ROBO1: variants seen among roughly 807,000 people sequenced by gnomAD.
The protein encoded by ROBO1 is roundabout homolog 1.
ROBO1 carries 149 observed loss-of-function variants against 195.9 expected under a neutral mutation model. That is an observed-to-expected ratio of 0.76 (90% confidence interval 0.67 to 0.87). The LOEUF is 0.87. ROBO1 is among the 40% of genes least tolerant of loss of function. ROBO1 has a pLI of 0.00. For missense variants in ROBO1, 1,933 were observed against 2,068.3 expected, an observed-to-expected ratio of 0.93 and a Z score of 1.27; for synonymous variants, 816 against 733.2, an observed-to-expected ratio of 1.11 and a Z score of -1.82.
intron 2 of ROBO1, among the ~76,000 whole-genome samples, chr3:79,376,022 T>G (rs2036369977): frequency 6.6e-6 from 1 of 152,220 alleles, no homozygotes; most frequent in Non-Finnish European, 1.5e-5. Flanking sequence ...GTAGTCAGTA[T>G]CTACATTGTA....
chr3:78,886,476 C>A (rs2107321091), intron 4 of ROBO1, among the ~76,000 whole-genome samples: 1 of 152,142 alleles, frequency 6.6e-6, no homozygotes, highest in African/African-American at 2.4e-5. Flanking sequence ...TGCCTGTAAT[C>A]CCAGCTACTC....
At chr3:79,725,167 A>T (rs1702858475) in intron 1 of ROBO1, among the ~76,000 whole-genome samples, 1 of 149,558 alleles carries the variant, frequency 6.7e-6, no homozygotes, top group African/African-American at 2.5e-5. Flanking sequence ...GAGGGCTTAT[A>T]TTCTGGTTTC....
intron 2 of ROBO1, among the ~76,000 whole-genome samples, chr3:79,204,295 A>G (rs540769843): frequency 2.7e-4 from 41 of 152,242 alleles, no homozygotes; most frequent in African/African-American, 9.4e-4. Flanking sequence ...CGACTGAACT[A>G]TCAAATATCA....
intron 4 of ROBO1, among the ~76,000 whole-genome samples, chr3:78,789,490 T>C (rs2083953036): frequency 6.6e-6 from 1 of 152,184 alleles, no homozygotes; most frequent in African/African-American, 2.4e-5. Context: ...GCATAAATTA[T>C]ATTTCACACA....
intron 4 of ROBO1, among the ~76,000 whole-genome samples, chr3:78,886,702 A>G (rs1258973912): frequency 6.6e-6 from 1 of 152,162 alleles, no homozygotes; most frequent in African/African-American, 2.4e-5. Flanking sequence ...ACATATACCC[A>G]TATTTATGAA....
chr3:79,356,064 G>A (rs2035543038), intron 2 of ROBO1, among the ~76,000 whole-genome samples: 1 of 152,154 alleles, frequency 6.6e-6, no homozygotes, highest in African/African-American at 2.4e-5. Flanking sequence ...TTTTTGGCCA[G>A]AAATGGTGGC....
chr3:78,781,782 G>A (rs969521223), intron 4 of ROBO1, among the ~76,000 whole-genome samples: 10 of 151,974 alleles, frequency 6.6e-5, no homozygotes, highest in African/African-American at 2.2e-4. Flanking sequence ...TTAACAATAT[G>A]TATTTTTAAT....
intron 3 of ROBO1, among the ~76,000 whole-genome samples, chr3:79,049,524 T>C (rs534505196): frequency 4.6e-4 from 70 of 152,176 alleles, no homozygotes; most frequent in Admixed American, 1.2e-3. Context: ...CAGGCCAACA[T>C]TCAAATTCAG....
At chr3:79,086,809 A>T (rs2079379591) in intron 3 of ROBO1, among the ~76,000 whole-genome samples, 1 of 152,132 alleles carries the variant, frequency 6.6e-6, no homozygotes, top group South Asian at 2.1e-4. Context: ...ATATTTAAGG[A>T]TGAATTATTA....
chr3:79,080,857 C>A (rs905570580), intron 3 of ROBO1, among the ~76,000 whole-genome samples: 1 of 151,936 alleles, frequency 6.6e-6, no homozygotes, highest in Non-Finnish European at 1.5e-5. Flanking sequence ...TTTTCTTAAC[C>A]TTTTCTAGAC....
At chr3:78,959,370 T>C (rs1166926894) in intron 3 of ROBO1, among the ~76,000 whole-genome samples, 3 of 152,146 alleles carry the variant, frequency 2.0e-5, no homozygotes, top group Non-Finnish European at 4.4e-5. Flanking sequence ...ACTGTGAAAA[T>C]ACAGAAATAA....
At chr3:79,526,106 G>A (rs544284701) in intron 2 of ROBO1, among the ~76,000 whole-genome samples, 3 of 152,212 alleles carry the variant, frequency 2.0e-5, no homozygotes, top group Non-Finnish European at 2.9e-5. Context: ...AACTTAAACA[G>A]GGTAGCTAGT....
intron 2 of ROBO1, among the ~76,000 whole-genome samples, chr3:79,463,938 T>A (rs1239964126): frequency 6.6e-6 from 1 of 152,188 alleles, no homozygotes; most frequent in South Asian, 2.1e-4. Flanking sequence ...CTCATTCACA[T>A]CCTTTCCCAC....
intron 1 of ROBO1, among the ~76,000 whole-genome samples, chr3:79,685,815 C>T (rs1414053551): frequency 1.3e-5 from 2 of 152,164 alleles, no homozygotes; most frequent in Non-Finnish European, 2.9e-5. Context: ...GGTACCATTA[C>T]TTCTGAAACT....
chr3:79,320,687 T>A (rs542193278), intron 2 of ROBO1, among the ~76,000 whole-genome samples: 1 of 152,254 alleles, frequency 6.6e-6, no homozygotes, highest in African/African-American at 2.4e-5. Flanking sequence ...CCATAAGAAA[T>A]ATTTTAAAGA....
intron 2 of ROBO1, among the ~76,000 whole-genome samples, chr3:79,430,054 C>T (rs1200392367): frequency 2.6e-5 from 4 of 151,712 alleles, no homozygotes; most frequent in African/African-American, 4.8e-5. Flanking sequence ...CATAGTCTAA[C>T]ATTTATGATA....
chr3:78,627,492 T>C lies in ROBO1; in HGVS notation c.3704A>G (p.Asp1235Gly). Residue 1235 changes from aspartate to glycine, a missense_variant, in exon 26 of 31, where the codon GAT becomes GGT. Physicochemically the swap from Asp to Gly is moderately conservative, Grantham distance 94 (BLOSUM62 -1). Around this residue, in one of 3 missense-constraint regions of ROBO1, gnomAD observed 1,737 missense variants for 1,882.5 expected, o/e 0.92. Transcript: ENST00000464233. ...LQQDELEEEE[D>G]ERGPTPPVRG... ...AACAGGGGGAGTGGGGCCTCGTTCA[T>C]CTTCCTCCTCTTCTAATTCATCTTG... The C allele has an allele frequency of 6.2e-7, 1 of 1,613,296 alleles. No individual in the cohort carries two copies. The highest frequency in any genetic ancestry group is 8.5e-7 in the Non-Finnish European group (1 of 1,179,646).
chr3:79,512,892 G>A (rs952712742), intron 2 of ROBO1: 13 of 152,150 alleles, frequency 8.5e-5, no homozygotes, highest in African/African-American at 3.1e-4. Flanking sequence ...CTGAGTTAAA[G>A]TGCCCATTAT....
intron 2 of ROBO1, among the ~76,000 whole-genome samples, chr3:79,560,057 T>G (rs1264795305): frequency 6.6e-6 from 1 of 152,224 alleles, no homozygotes; most frequent in Non-Finnish European, 1.5e-5. Flanking sequence ...CAATGGCAAA[T>G]AGTTTTTAAT....
Sources: gnomAD v4.1 joint callset for allele counts (sites outside exome capture counted in the v4.1 genomes callset) on GRCh38, gnomAD v4.1.1 for gene constraint, gnomAD v4.1.1 regional missense constraint, MANE v1.5 for transcripts, NCBI Gene and HGNC (gene_info 2026-07-23, HGNC 2026-07-21) for gene names.